Variants in FGF14 observed in about 807,000 individuals in gnomAD.
The protein encoded by FGF14 is fibroblast growth factor homologous factor 4.
A neutral mutation model predicts 25.5 loss-of-function variants in FGF14; 5 were observed. The ratio of observed to expected loss-of-function variants is 0.20; its 90% CI spans 0.10 to 0.41. The LOEUF (loss-of-function observed/expected upper bound fraction) is 0.41, where lower values mean the gene tolerates loss of function less well. Ranked by LOEUF, FGF14 falls within the 10% of genes least tolerant of loss-of-function variation. The pLI, the probability that FGF14 is intolerant of heterozygous loss-of-function variation, is 1.00. For missense variants in FGF14, 222 were observed against 320.1 expected, an observed-to-expected ratio of 0.69 and a Z score of 2.34; for synonymous variants, 138 against 118.3, an observed-to-expected ratio of 1.17 and a Z score of -1.08.
At chr13:102,301,744 C>T (rs1230209507) in intron 1 of FGF14, among the ~76,000 whole-genome samples, 1 of 151,110 alleles carries the variant, frequency 6.6e-6, no homozygotes, top group Non-Finnish European at 1.5e-5. Context: ...ACCTCAAGTG[C>T]GCCTTTAGTG....
chr13:102,264,177 G>C (rs2052864354), intron 1 of FGF14, among the ~76,000 whole-genome samples: 1 of 151,880 alleles, frequency 6.6e-6, no homozygotes, highest in East Asian at 1.9e-4. Flanking sequence ...GAGAGTTGGT[G>C]AAACAATTTA....
Position 101,834,095 on chromosome 13 carries a change from G to GA in FGF14, c.408+34629dup, listed in dbSNP as rs2042807156. On this transcript the variant is annotated intron_variant, in intron 3 of 4. Coordinates refer to ENST00000376143, the MANE Select transcript of FGF14 (RefSeq NM_004115.4). ...TCCAAGTGAGACTACAATAGAGACT[G>GA]AAAAAATGTGAAACACTGTAGAACT... Among the ~76,000 whole-genome samples the GA allele has an allele frequency of 2.0e-5, 3 of 151,974 alleles. No homozygotes were observed. The East Asian group carries it at 5.8e-4, about 29-fold the overall frequency.
intron 1 of FGF14, among the ~76,000 whole-genome samples, chr13:101,945,220 AG>A (rs1268060786): frequency 6.6e-6 from 1 of 152,174 alleles, no homozygotes; most frequent in East Asian, 1.9e-4. Context: ...TGGGAGGCTG[AG>A]GCAGGAGAAT....
intron 1 of FGF14, among the ~76,000 whole-genome samples, chr13:102,366,946 A>G (rs1388389599): frequency 6.6e-6 from 1 of 152,202 alleles, no homozygotes; most frequent in Non-Finnish European, 1.5e-5. Context: ...TGTGGCAATT[A>G]CTTTCTCATT....
intron 1 of FGF14, among the ~76,000 whole-genome samples, chr13:102,172,425 G>C (rs2048287876): frequency 1.3e-5 from 2 of 152,066 alleles, no homozygotes; most frequent in Admixed American, 1.3e-4. Context: ...GCATTTTGCT[G>C]CAGAAAAGAA....
intron 1 of FGF14, among the ~76,000 whole-genome samples, chr13:101,937,092 G>T (rs534730829): frequency 2.6e-5 from 4 of 152,144 alleles, no homozygotes; most frequent in Non-Finnish European, 5.9e-5. Flanking sequence ...CCCCAAGCCT[G>T]CCTCAGCCCT....
chr13:102,344,973 T>C (rs1264365627), intron 1 of FGF14, among the ~76,000 whole-genome samples: 2 of 152,194 alleles, frequency 1.3e-5, no homozygotes, highest in African/African-American at 2.4e-5. Flanking sequence ...CTGGATGTTC[T>C]TCTAGAACAT....
chr13:102,210,794 A>T (rs2050124944), intron 1 of FGF14, among the ~76,000 whole-genome samples: 1 of 152,220 alleles, frequency 6.6e-6, no homozygotes, highest in Non-Finnish European at 1.5e-5. Context: ...GACAGAGAAT[A>T]TTGGAAAATG....
In FGF14 at chr13:101,715,870, T is replaced by C. The variant is rs957014460; in HGVS notation, c.*6961A>G. 6 of 441,358 alleles carry C rather than the reference T, an allele frequency of 1.4e-5. No homozygotes were observed. The highest frequency in any genetic ancestry group is 2.4e-5 in the Non-Finnish European group (6 of 245,724). 27.3% of individuals were successfully genotyped at this position (441,358 alleles called of 1,614,324 possible). A position where few individuals can be genotyped will look rare whatever the true frequency, so the allele number is the denominator to read the frequency against. On this transcript the variant is annotated 3_prime_UTR_variant, in exon 5 of 5. Coordinates refer to ENST00000376143, the MANE Select transcript of FGF14 (RefSeq NM_004115.4). ...TTAGAAAAAAAAGATTCTTCCATAA[T>C]TAACATAAGTGGTTCCTAACGAGAG...
At chr13:101,748,130 G>GA (rs1252236253) in intron 3 of FGF14, among the ~76,000 whole-genome samples, 1 of 151,668 alleles carries the variant, frequency 6.6e-6, no homozygotes, top group East Asian at 1.9e-4. Flanking sequence ...ATATCCAAAA[G>GA]AAAAGAAATT....
chr13:102,105,213 G>A (rs2044851137), intron 1 of FGF14, among the ~76,000 whole-genome samples: 1 of 152,146 alleles, frequency 6.6e-6, no homozygotes, highest in Non-Finnish European at 1.5e-5. Flanking sequence ...ATCTGCTGAT[G>A]GAGGTTAGAG....
intron 1 of FGF14, among the ~76,000 whole-genome samples, chr13:102,352,548 C>T (rs777725188): frequency 2.8e-4 from 42 of 152,152 alleles, no homozygotes; most frequent in Non-Finnish European, 5.3e-4. Context: ...CGCGGTGGCT[C>T]ACGCCTGTAA....
At chr13:101,919,847 ACT>A (rs1308165869), upstream of FGF14, among the ~76,000 whole-genome samples, 6 of 151,712 alleles carry the variant, frequency 4.0e-5, no homozygotes, top group Admixed American at 2.0e-4. Flanking sequence ...ACCGAGAGAT[ACT>A]CTTTCTTTCT....
At chr13:101,855,877 C>A (rs1038953938) in intron 3 of FGF14, among the ~76,000 whole-genome samples, 2 of 148,256 alleles carry the variant, frequency 1.3e-5, no homozygotes, top group Admixed American at 6.7e-5. Context: ...TTAATCATAC[C>A]TTTGTCTGCA....
At chr13:101,993,702 A>G (rs1422382964) in intron 1 of FGF14, among the ~76,000 whole-genome samples, 1 of 152,058 alleles carries the variant, frequency 6.6e-6, no homozygotes, top group Non-Finnish European at 1.5e-5. Context: ...TAAAAGAAGT[A>G]CAATTGATAA....
chr13:102,185,588 T>C (rs1222434399), intron 1 of FGF14, among the ~76,000 whole-genome samples: 1 of 151,218 alleles, frequency 6.6e-6, no homozygotes, highest in Non-Finnish European at 1.5e-5. Context: ...ATGAGAAATG[T>C]ATCTCTTAAA....
chr13:102,295,804 AAAT>A (rs1159562719), intron 1 of FGF14, among the ~76,000 whole-genome samples: 1 of 152,180 alleles, frequency 6.6e-6, no homozygotes, highest in Non-Finnish European at 1.5e-5. Context: ...AGAAACGATA[AAAT>A]AATGTCTGAA....
chr13:102,006,821 T>C (rs1324336711), intron 1 of FGF14, among the ~76,000 whole-genome samples: 1 of 133,428 alleles, frequency 7.5e-6, no homozygotes, highest in African/African-American at 2.8e-5. Context: ...CTCGGCTCAC[T>C]GCAAGCTCCG....
At chr13:102,395,790 T>C (rs1566986517) in intron 1 of FGF14, 5 of 152,246 alleles carry the variant, frequency 3.3e-5, no homozygotes, top group Non-Finnish European at 7.3e-5. Flanking sequence ...TCTTACATGA[T>C]GTTACCAGAC....
Sources: gnomAD v4.1 joint callset for allele counts (sites outside exome capture counted in the v4.1 genomes callset) on GRCh38, gnomAD v4.1.1 for gene constraint, MANE v1.5 for transcripts, NCBI Gene and HGNC (gene_info 2026-07-23, HGNC 2026-07-21) for gene names.